The following PDGFRL variants were observed in gnomAD, a reference collection of about 807,000 sequenced individuals.
PDGFRL encodes the protein platelet-derived growth factor receptor-like protein.
A neutral mutation model predicts 37.2 loss-of-function variants in PDGFRL; 46 were observed. The observed-to-expected ratio is 1.24, with a 90% CI of 0.98 to 1.58. The LOEUF (loss-of-function observed/expected upper bound fraction) is 1.58. Among genes scored for constraint, PDGFRL ranks in the 40% most tolerant of loss-of-function variants. PDGFRL has a pLI of 0.00. For synonymous variants in PDGFRL, 251 were observed against 184.3 expected (o/e 1.36, Z -2.93); for missense variants, 692 against 467.6 (o/e 1.48, Z -4.43).
At chr8:17,631,491 T>C (rs779599468) in intron 4 of PDGFRL, among the ~76,000 whole-genome samples, 23 of 152,076 alleles carry the variant, frequency 1.5e-4, no homozygotes, top group Admixed American at 6.6e-4. Flanking sequence ...TACACCCTGT[T>C]ACCAAATCCC....
chr8:17,642,768 G>A lies in PDGFRL; in HGVS notation c.1095G>A (p.Gln365=). 6.2e-7 allele frequency: 1 copy of A among 1,610,484 alleles called. No homozygotes were observed. The highest frequency in any genetic ancestry group is 8.5e-7 in the Non-Finnish European group (1 of 1,176,928). Residue 365 remains glutamine, a synonymous_variant, in exon 6 of 6, where the codon CAG becomes CAA. Transcript: ENST00000251630. The part of the protein sequence containing the change: ...YICTAQNLQG[Q]TTVATTVEFS Reference sequence around the variant, plus strand: ...GCACTGCTCAGAATCTTCAAGGACAGACCACAGTAGCTACCACTGTTGAGT... The same window carrying A: ...GCACTGCTCAGAATCTTCAAGGACAAACCACAGTAGCTACCACTGTTGAGT...
At chr8:17,603,572 T>C (rs1418918437) in intron 2 of PDGFRL, among the ~76,000 whole-genome samples, 1 of 152,186 alleles carries the variant, frequency 6.6e-6, no homozygotes, top group Non-Finnish European at 1.5e-5. Flanking sequence ...CTGACAACAG[T>C]AGTTATCATT....
chr8:17,610,035 C>T (rs1271938308), intron 2 of PDGFRL, among the ~76,000 whole-genome samples: 1 of 152,152 alleles, frequency 6.6e-6, no homozygotes, highest in Admixed American at 6.6e-5. Context: ...GGGTCCAGGC[C>T]CCATGGCTGT....
chr8:17,598,817 A>C (rs981550359), intron 2 of PDGFRL, among the ~76,000 whole-genome samples: 3 of 152,116 alleles, frequency 2.0e-5, no homozygotes, highest in Non-Finnish European at 4.4e-5. Context: ...ATGGTAGTTA[A>C]TACGTCTCAC....
chr8:17,641,656 C>T (rs922421133), intron 5 of PDGFRL, among the ~76,000 whole-genome samples: 1 of 152,156 alleles, frequency 6.6e-6, no homozygotes, highest in African/African-American at 2.4e-5. Context: ...AGCCCTTGTG[C>T]ATGTTCTGCT....
At chr8:17,634,415 A>G (rs7006607) in intron 5 of PDGFRL, among the ~76,000 whole-genome samples, 137 of 151,842 alleles carry the variant, frequency 9.0e-4, no homozygotes, top group African/African-American at 3.2e-3. Context: ...AATTTCTTTT[A>G]AGGACAGGAA....
chr8:17,590,811 A>G (rs1803920882), intron 2 of PDGFRL, among the ~76,000 whole-genome samples: 1 of 152,080 alleles, frequency 6.6e-6, no homozygotes, highest in African/African-American at 2.4e-5. Flanking sequence ...ACCTAACAGG[A>G]GATTTCTGTG....
intron 2 of PDGFRL, among the ~76,000 whole-genome samples, chr8:17,590,640 A>C (rs1228082833): frequency 6.6e-6 from 1 of 151,210 alleles, no homozygotes; most frequent in Non-Finnish European, 1.5e-5. Context: ...TGAACCCGGG[A>C]TGCAGAGGTT....
chr8:17,595,369 C>T (rs1343714407), intron 2 of PDGFRL, among the ~76,000 whole-genome samples: 1 of 152,174 alleles, frequency 6.6e-6, no homozygotes, highest in Non-Finnish European at 1.5e-5. Flanking sequence ...AGCTCATATC[C>T]CTGATGGTGG....
At chr8:17,609,288 C>T (rs992591111) in intron 2 of PDGFRL, among the ~76,000 whole-genome samples, 6 of 151,934 alleles carry the variant, frequency 3.9e-5, no homozygotes, top group African/African-American at 1.5e-4. Context: ...TGGTGGATCA[C>T]CTGAGTTTGG....
upstream of PDGFRL, chr8:17,577,176 C>T (rs1233233756): frequency 3.9e-6 from 6 of 1,558,196 alleles, no homozygotes; most frequent in African/African-American, 1.4e-5. Flanking sequence ...GAGCCCGCCC[C>T]TCGCCCGCCG....
rs150742821 is a variant in PDGFRL, at chr8:17,577,273, T to G, written c.21T>G (p.Leu7=). Residue 7 remains leucine (L), a synonymous_variant, in exon 1 of 6, where the codon CTT becomes CTG. Transcript: ENST00000251630. MKVWLL[L]GLLLVHEALE... The stretch of plus-strand genomic sequence containing the variant: ...CCGAGATGAAGGTCTGGCTGCTGCT[T>G]GGTCTTCTGCTGGTGCACGAAGCGC... The G allele has an allele frequency of 2.5e-6, 4 of 1,612,854 alleles. No homozygotes were observed. The African/African-American group carries it at 5.3e-5, about 22-fold the overall frequency.
intron 2 of PDGFRL, among the ~76,000 whole-genome samples, chr8:17,604,017 TAGG>T (rs1804222061): frequency 6.6e-6 from 1 of 151,630 alleles, no homozygotes. Flanking sequence ...GGAAGGAGGT[TAGG>T]AGGAGAGATG....
intron 1 of PDGFRL, among the ~76,000 whole-genome samples, chr8:17,578,026 A>T (rs996105659): frequency 6.6e-6 from 1 of 151,398 alleles, no homozygotes; most frequent in African/African-American, 2.4e-5. Context: ...TACACCCGTG[A>T]CCACAGGGTC....
intron 2 of PDGFRL, among the ~76,000 whole-genome samples, chr8:17,603,667 T>C (rs2517183): frequency 0.94 from 143,526 of 152,284 alleles, 68,220 homozygotes; most frequent in East Asian, 1. Flanking sequence ...GTTTGTGGTC[T>C]CTGCTAGGCA....
In PDGFRL at chr8:17,642,785, C is replaced by T; in HGVS notation, c.1112C>T (p.Thr371Ile). 1.9e-6 allele frequency: 3 copies of T among 1,603,456 alleles called. No individual in the cohort carries two copies. Among genetic ancestry groups the T allele is most frequent in the Non-Finnish European group, 1.7e-6 (2 of 1,171,314 alleles). ...NLQGQTTVAT[T>I]VEFS The stretch of plus-strand genomic sequence containing the variant: ...CAAGGACAGACCACAGTAGCTACCA[C>T]TGTTGAGTTTTCCTGACTTGGAAAA... The change falls in exon 6 of 6, where the codon ACT becomes ATT. Residue 371 changes from threonine (T) to isoleucine (I), a missense_variant. Transcript: ENST00000251630.
At chr8:17,638,855 C>T (rs964534075) in intron 5 of PDGFRL, among the ~76,000 whole-genome samples, 2 of 144,616 alleles carry the variant, frequency 1.4e-5, no homozygotes, top group African/African-American at 5.1e-5. Context: ...TCTTTTTTAA[C>T]TGCTGTTTCT....
chr8:17,587,298 A>T (rs774506764), intron 1 of PDGFRL, among the ~76,000 whole-genome samples: 2 of 152,038 alleles, frequency 1.3e-5, no homozygotes, highest in Non-Finnish European at 2.9e-5. Flanking sequence ...AGATAATCTC[A>T]TGTTCCTGAG....
intron 2 of PDGFRL, among the ~76,000 whole-genome samples, chr8:17,620,054 T>G (rs1162338608): frequency 2.6e-5 from 4 of 152,140 alleles, no homozygotes; most frequent in Admixed American, 6.5e-5. Context: ...TCTCAAATTC[T>G]TGTGCTCAAG....
Sources: allele counts gnomAD v4.1 joint callset (sites outside exome capture counted in the v4.1 genomes callset), GRCh38; gene constraint gnomAD v4.1.1; transcripts MANE v1.5; gene names NCBI Gene and HGNC (gene_info 2026-07-23, HGNC 2026-07-21).